CTNNB1: variants seen among roughly 807,000 people sequenced by gnomAD.
The protein encoded by CTNNB1 is catenin beta-1.
Under a neutral mutation model 82.5 loss-of-function variants are expected in CTNNB1, and 6 were observed. That is an observed-to-expected ratio of 0.07 (90% confidence interval 0.04 to 0.14). The LOEUF is 0.14. Among genes scored for constraint, CTNNB1 ranks in the 10% least tolerant of loss-of-function variants. CTNNB1 has a pLI of 1.00. For synonymous variants in CTNNB1, 312 were observed against 329.7 expected (o/e 0.95, Z 0.58); for missense variants, 529 against 980.4 (o/e 0.54, Z 6.15).
chr3:41,234,456 C>T lies in CTNNB1; in HGVS notation c.1683+159C>T, dbSNP rs2078386014. On this transcript the variant is annotated intron_variant, in intron 10 of 14. Coordinates refer to ENST00000349496, the MANE Select transcript of CTNNB1 (RefSeq NM_001904.4). ...AAATAATTACACATTTCTATGGCTGCAGAGAAAATAAGGCATAGTGTGGCC... is the reference window on the plus strand; with the variant it reads ...AAATAATTACACATTTCTATGGCTGTAGAGAAAATAAGGCATAGTGTGGCC... 21 of 772,524 alleles carry T rather than the reference C, an allele frequency of 2.7e-5. 1 individual carries two copies. The South Asian group carries it at 3.4e-4, about 12-fold the overall frequency. 47.9% of individuals were successfully genotyped at this position (772,524 alleles called of 1,614,324 possible).
At chr3:41,224,148 C>T in intron 2 of CTNNB1, 67 bp downstream of exon 2, 1 of 1,564,074 alleles carries the variant, frequency 6.4e-7, no homozygotes. Flanking sequence ...GCCAGTCTGG[C>T]TGAGATCCCC....
rs371316720 is a variant in CTNNB1 at position 41,224,086 on chromosome 3, G to A, written c.13+5G>A. On this transcript the variant is annotated splice_donor_5th_base_variant and intron_variant, in intron 2 of 14. Transcript: ENST00000349496. ...CGTGGACAATGGCTACTCAAGGTTT[G>A]TGTCATTAAATCTTTAGTTACTGAA... 1.9e-6 allele frequency: 3 copies of A among 1,613,698 alleles called. No individual in the cohort carries two copies. The highest frequency in any genetic ancestry group is 2.7e-5 in the African/African-American group (2 of 74,898).
At chr3:41,216,150 A>G (rs1464777986) in intron 1 of CTNNB1, among the ~76,000 whole-genome samples, 2 of 152,176 alleles carry the variant, frequency 1.3e-5, no homozygotes, top group South Asian at 2.1e-4. Context: ...TTTTCTTGTG[A>G]TATGAGGAAT....
chr3:41,201,611 G>GTA (rs2077532137), intron 1 of CTNNB1, among the ~76,000 whole-genome samples: 1 of 151,974 alleles, frequency 6.6e-6, no homozygotes, highest in African/African-American at 2.4e-5. Flanking sequence ...AGAAAGCTTA[G>GTA]TATAGCATGT....
At chr3:41,215,713 G>A (rs2077901552) in intron 1 of CTNNB1, among the ~76,000 whole-genome samples, 2 of 152,114 alleles carry the variant, frequency 1.3e-5, no homozygotes, top group African/African-American at 4.8e-5. Context: ...TATCATTATG[G>A]GATATAATTT....
At position 41,239,923 on chromosome 3, in the gene CTNNB1, T is replaced by A. The variant is rs879228643; in HGVS notation, c.*581T>A. ...CAAACCCTAGCCTTGCTTGTTAAAT[T>A]TTTTTTTTTTTTTTTTTAAGAATAT... is the stretch of plus-strand genomic sequence containing the variant. On this transcript the variant is annotated 3_prime_UTR_variant, in exon 15 of 15. Coordinates refer to ENST00000349496, the MANE Select transcript of CTNNB1 (RefSeq NM_001904.4). The A allele has an allele frequency of 0.012, 2,040 of 174,868 alleles. 6 individuals carry two copies. The highest frequency in any genetic ancestry group is 0.017 in the Middle Eastern group (8 of 470). The allele number at this position is 174,868 out of a possible 1,614,324, so 10.8% of individuals were successfully genotyped here.
chr3:41,236,881 A>C (rs1333438123), intron 13 of CTNNB1, 172 bp downstream of exon 13: 1 of 738,148 alleles, frequency 1.4e-6, no homozygotes, highest in Non-Finnish European at 2.3e-6. Context: ...CTATAATACA[A>C]GCTTTAAAGA....
chr3:41,234,058 A>G (rs774385087), intron 9 of CTNNB1, 81 bp from the exon 10 acceptor site: 19 of 1,576,780 alleles, frequency 1.2e-5, no homozygotes, highest in Admixed American at 1.7e-5. Flanking sequence ...GTTGATACCA[A>G]TAGATTTAGT....
intron 14 of CTNNB1, chr3:41,238,418 A>C: frequency 4.0e-6 from 1 of 246,980 alleles, no homozygotes; most frequent in Admixed American, 5.0e-5. Flanking sequence ...AAGATAGGAA[A>C]ACTCCTGTTT....
chr3:41,239,099 T>TC (rs2078511055), intron 14 of CTNNB1, 35 bp from the exon 15 acceptor site: 1 of 1,565,380 alleles, frequency 6.4e-7, no homozygotes, highest in Non-Finnish European at 8.8e-7. Context: ...TTGCCTTCCT[T>TC]CTTGCCTATT....
intron 13 of CTNNB1, chr3:41,237,026 T>C (rs1185036137): frequency 4.1e-6 from 2 of 492,354 alleles, no homozygotes; most frequent in East Asian, 6.6e-5. Flanking sequence ...TAAACACTGT[T>C]AAGAGGACAG....
intron 1 of CTNNB1, 39 bp from the exon 2 acceptor site, chr3:41,223,982 A>G: frequency 7.0e-7 from 1 of 1,419,330 alleles, no homozygotes. Context: ...TAATCAAGCT[A>G]AATTTAAATC....
chr3:41,235,650 T>C, intron 10 of CTNNB1, 74 bp from the exon 11 acceptor site: 2 of 1,593,622 alleles, frequency 1.3e-6, no homozygotes, highest in Non-Finnish European at 8.6e-7. Flanking sequence ...ATGTAAATAA[T>C]TACAGTCTAA....
At chr3:41,226,732 T>C (rs891367833) in intron 6 of CTNNB1, among the ~76,000 whole-genome samples, 1 of 152,078 alleles carries the variant, frequency 6.6e-6, no homozygotes, top group Non-Finnish European at 1.5e-5. Context: ...AGGGAAGATA[T>C]ACAGGGAATG....
Position 41,236,224 on chromosome 3 carries a change from G to T in CTNNB1, c.1804-125G>T, listed in dbSNP as rs1195060719. On this transcript the variant is annotated intron_variant, in intron 11 of 14. Transcript: ENST00000349496. ...AACACCCCAAGACATAAAATTCAGA[G>T]AATATTATTTACTACAGTGTGAATG... 4.3e-6 allele frequency: 5 copies of T among 1,154,932 alleles called. No individual in the cohort carries two copies. In the East Asian group the frequency reaches 1.2e-4, roughly 27 times the overall value. 71.5% of individuals were successfully genotyped at this position (1,154,932 alleles called of 1,614,324 possible). A position where few individuals can be genotyped will look rare whatever the true frequency, so the allele number is the denominator to read the frequency against.
chr3:41,238,558 A>G (rs2078495311), intron 14 of CTNNB1: 2 of 191,964 alleles, frequency 1.0e-5, no homozygotes, highest in South Asian at 2.1e-4. Flanking sequence ...ACTGTCTTAC[A>G]TTTATAACCG....
Position 41,214,394 on chromosome 3 carries a change from T to TAAAA in CTNNB1, c.-48-9617_-48-9614dup, listed in dbSNP as rs11457773. 7.6e-3 allele frequency among the ~76,000 whole-genome samples: 1,113 copies of TAAAA among 147,074 alleles called. 23 individuals carry two copies. Among genetic ancestry groups the TAAAA allele is most frequent in the African/African-American group, 0.026 (1,052 of 40,138 alleles). ...CTTCAAGCCTGTAGGTCTTTATAGT[T>TAAAA]AAAAAAAAAAAAAGATTTTAAAAAT... On this transcript the variant is annotated intron_variant, in intron 1 of 14. Coordinates refer to ENST00000349496, the MANE Select transcript of CTNNB1 (RefSeq NM_001904.4).
chr3:41,199,621 A>G lies in CTNNB1; in HGVS notation c.-98A>G. The G allele has an allele frequency of 6.6e-6, 1 of 152,460 alleles. No homozygotes were observed. The highest frequency in any genetic ancestry group is 1.5e-5 in the Non-Finnish European group (1 of 68,258). 9.4% of individuals were successfully genotyped at this position (152,460 alleles called of 1,614,324 possible). A position where few individuals can be genotyped will look rare whatever the true frequency, so the allele number is the denominator to read the frequency against. On this transcript the variant is annotated 5_prime_UTR_variant, in exon 1 of 15. Transcript: ENST00000349496. ...TCAGTCCCCGCCGAGCCGCCACCGC[A>G]GGTCGAGGACGGTCGGACTCCCGCG...
In CTNNB1 at chr3:41,240,125, C is replaced by CTAAT. The variant is rs72273140; in HGVS notation, c.*789_*792dup. ...TGTAGAACACTAATTCATAATCACT[C>CTAAT]TAATTAATTGTAATCTGAATAAAGT... is the stretch of plus-strand genomic sequence containing the variant. On this transcript the variant is annotated 3_prime_UTR_variant, in exon 15 of 15. Transcript: ENST00000349496. 2 of 199,328 alleles carry CTAAT rather than the reference C, an allele frequency of 1.0e-5. No individual in the cohort carries two copies. The highest frequency in any genetic ancestry group is 2.1e-5 in the Non-Finnish European group (2 of 97,318). 12.3% of individuals were successfully genotyped at this position (199,328 alleles called of 1,614,324 possible). A position where few individuals can be genotyped will look rare whatever the true frequency, so the allele number is the denominator to read the frequency against.
Sources: gnomAD v4.1 joint callset for allele counts (sites outside exome capture counted in the v4.1 genomes callset) on GRCh38, gnomAD v4.1.1 for gene constraint, MANE v1.5 for transcripts, NCBI Gene and HGNC (gene_info 2026-07-23, HGNC 2026-07-21) for gene names.